The following AUTS2 variants were observed in gnomAD, a reference collection of about 807,000 sequenced individuals.
AUTS2 encodes autism susceptibility gene 2 protein.
Under a neutral mutation model 112.4 loss-of-function variants are expected in AUTS2, and 17 were observed. The observed-to-expected ratio is 0.15, with a 90% CI of 0.10 to 0.23. The LOEUF (loss-of-function observed/expected upper bound fraction) is 0.23. AUTS2 is among the 10% of genes least tolerant of loss of function. The pLI, the probability that AUTS2 is intolerant of heterozygous loss-of-function variation, is 1.00. For synonymous variants in AUTS2, 751 were observed against 702.7 expected (o/e 1.07, Z -1.09); for missense variants, 1,510 against 1,701.6 (o/e 0.89, Z 1.98).
chr7:69,932,001 C>T (rs550351955), intron 2 of AUTS2, among the ~76,000 whole-genome samples: 7 of 152,238 alleles, frequency 4.6e-5, no homozygotes, highest in South Asian at 2.1e-4. Flanking sequence ...GTTTCCTCTC[C>T]GAACACACAA....
In AUTS2 at chr7:70,792,633, G is replaced by A. The variant is rs1414666528; in HGVS notation, c.*1637G>A. On this transcript the variant is annotated 3_prime_UTR_variant, in exon 19 of 19. Transcript: ENST00000342771. ...GTGCGGTGTTTTTTTTTTTTTTTAA[G>A]ACAACAACTAAAAAAAATGCAAGGA... is the stretch of plus-strand genomic sequence containing the variant. 1.9e-4 allele frequency: 17 copies of A among 89,508 alleles called. No individual in the cohort carries two copies. Among genetic ancestry groups the A allele is most frequent in the African/African-American group, 6.5e-4 (17 of 26,276 alleles). 5.5% of individuals were successfully genotyped at this position (89,508 alleles called of 1,614,324 possible). A position where few individuals can be genotyped will look rare whatever the true frequency, so the allele number is the denominator to read the frequency against.
At chr7:70,311,508 T>C (rs996733396) in intron 4 of AUTS2, among the ~76,000 whole-genome samples, 4 of 152,232 alleles carry the variant, frequency 2.6e-5, no homozygotes, top group African/African-American at 9.6e-5. Flanking sequence ...TGAATTCTGT[T>C]CCCAAGGCCT....
intron 4 of AUTS2, among the ~76,000 whole-genome samples, chr7:70,217,903 C>T (rs1584890391): frequency 6.6e-6 from 1 of 152,178 alleles, no homozygotes; most frequent in African/African-American, 2.4e-5. Flanking sequence ...TAAATCACTT[C>T]CTACAGAAAA....
At chr7:70,403,949 G>A (rs976997517) in intron 4 of AUTS2, among the ~76,000 whole-genome samples, 7 of 152,170 alleles carry the variant, frequency 4.6e-5, no homozygotes, top group Non-Finnish European at 8.8e-5. Context: ...TTCATACCCA[G>A]GTTTGAAAAC....
At position 70,116,352 on chromosome 7, in the gene AUTS2, CTG is replaced by C. The variant is rs1028821307; in HGVS notation, c.523-1777_523-1776del. On this transcript the variant is annotated intron_variant, in intron 2 of 18. Transcript: ENST00000342771. ...TTTGGAGACTTGGGGAAAGCTGACT[CTG>C]TGAATGGTATAACCAAAAGTGAGGT... Among the ~76,000 whole-genome samples, 15 of 152,260 alleles carry C rather than the reference CTG, an allele frequency of 9.9e-5. 1 individual carries two copies. The highest frequency in any genetic ancestry group is 4.1e-4 in the South Asian group (2 of 4,822).
intron 6 of AUTS2, chr7:70,729,269 C>G: frequency 2.3e-6 from 1 of 441,030 alleles, no homozygotes; most frequent in Non-Finnish European, 4.6e-6. Context: ...CCCCACTACT[C>G]CTCTGCCTCT....
At position 70,135,784 on chromosome 7, in the gene AUTS2, A is replaced by G. The variant is rs371284415; in HGVS notation, c.660+1213A>G. On this transcript the variant is annotated intron_variant, in intron 4 of 18. Transcript: ENST00000342771. ...AATATTCATGCTAACAGAAACAAGC[A>G]GGATACATTCAGTATCCTGCTTCAG... Among the ~76,000 whole-genome samples, 435 of 152,316 alleles carry G rather than the reference A, an allele frequency of 2.9e-3. 1 individual carries two copies. The highest frequency in any genetic ancestry group is 5.0e-3 in the Non-Finnish European group (338 of 68,024).
At chr7:69,975,087 A>G (rs1264986528) in intron 2 of AUTS2, among the ~76,000 whole-genome samples, 2 of 151,964 alleles carry the variant, frequency 1.3e-5, no homozygotes, top group Non-Finnish European at 2.9e-5. Flanking sequence ...CCTGTTGCTT[A>G]CTGAGGAATG....
intron 4 of AUTS2, among the ~76,000 whole-genome samples, chr7:70,308,331 G>A (rs1789579399): frequency 2.0e-5 from 3 of 152,312 alleles, no homozygotes; most frequent in South Asian, 4.1e-4. Flanking sequence ...CATTTCTGGG[G>A]ATGTACTAGG....
chr7:70,782,688 T>C (rs1791169511), intron 15 of AUTS2: 1 of 152,218 alleles, frequency 6.6e-6, no homozygotes, highest in African/African-American at 2.4e-5. Flanking sequence ...GAATTTATTC[T>C]TCTGGACGTA....
chr7:70,363,845 G>A (rs1222911251), intron 4 of AUTS2, among the ~76,000 whole-genome samples: 1 of 152,072 alleles, frequency 6.6e-6, no homozygotes, highest in African/African-American at 2.4e-5. Context: ...CTCCTTCTAT[G>A]GACTCTTACA....
At chr7:69,909,924 T>C (rs1352029675) in intron 2 of AUTS2, among the ~76,000 whole-genome samples, 1 of 152,196 alleles carries the variant, frequency 6.6e-6, no homozygotes, top group African/African-American at 2.4e-5. Context: ...TGACTTTTGA[T>C]TTTAAAAAAT....
At chr7:70,605,646 G>A (rs1450850809) in intron 5 of AUTS2, among the ~76,000 whole-genome samples, 3 of 139,550 alleles carry the variant, frequency 2.1e-5, no homozygotes, top group African/African-American at 8.0e-5. Flanking sequence ...TTTCTAGTAA[G>A]TAGTGGAAAA....
At chr7:70,751,471 C>G (rs552549462) in intron 6 of AUTS2, among the ~76,000 whole-genome samples, 1 of 152,232 alleles carries the variant, frequency 6.6e-6, no homozygotes, top group African/African-American at 2.4e-5. Flanking sequence ...TATTCAGTGC[C>G]TTGGTCTCAC....
At chr7:70,565,585 C>G (rs1020242992) in intron 5 of AUTS2, among the ~76,000 whole-genome samples, 32 of 152,164 alleles carry the variant, frequency 2.1e-4, no homozygotes, top group Non-Finnish European at 4.0e-4. Context: ...GAAGCTAAGG[C>G]AGCAGGATTG....
intron 2 of AUTS2, among the ~76,000 whole-genome samples, chr7:70,085,924 T>TAA (rs35205390): frequency 1.4e-3 from 216 of 149,184 alleles, no homozygotes; most frequent in African/African-American, 4.4e-3. Flanking sequence ...AAGGGTTGTA[T>TAA]AAAAAAAAAA....
intron 1 of AUTS2, among the ~76,000 whole-genome samples, chr7:69,889,665 A>T (rs2129538848): frequency 6.6e-6 from 1 of 152,356 alleles, no homozygotes; most frequent in Non-Finnish European, 1.5e-5. Flanking sequence ...ATTACATGTA[A>T]AAAGAATAAT....
intron 4 of AUTS2, among the ~76,000 whole-genome samples, chr7:70,228,607 G>A (rs1241295088): frequency 6.6e-6 from 1 of 151,694 alleles, no homozygotes; most frequent in East Asian, 1.9e-4. Context: ...GTTTATACAT[G>A]CATTCTACCT....
chr7:69,635,552 C>A (rs893030248), intron 1 of AUTS2, among the ~76,000 whole-genome samples: 5 of 152,162 alleles, frequency 3.3e-5, no homozygotes, highest in Admixed American at 2.0e-4. Context: ...CCAGAGGGCA[C>A]CTGGATTAAT....
Sources: gnomAD v4.1 joint callset for allele counts (sites outside exome capture counted in the v4.1 genomes callset) on GRCh38, gnomAD v4.1.1 for gene constraint, MANE v1.5 for transcripts, NCBI Gene and HGNC (gene_info 2026-07-23, HGNC 2026-07-21) for gene names.